Variants in NEDD9 observed in about 807,000 individuals in gnomAD.
NEDD9 encodes enhancer of filamentation 1.
A neutral mutation model predicts 76.6 loss-of-function variants in NEDD9; 26 were observed. That is an observed-to-expected ratio of 0.34 (90% confidence interval 0.25 to 0.47). The LOEUF (loss-of-function observed/expected upper bound fraction) is 0.47. NEDD9 is among the 20% of genes least tolerant of loss of function. The pLI, the probability that NEDD9 is intolerant of heterozygous loss-of-function variation, is 1.00. For synonymous variants in NEDD9, 392 were observed against 414.2 expected (o/e 0.95, Z 0.65); for missense variants, 937 against 1,058.5 (o/e 0.89, Z 1.59).
At chr6:11,189,179 T>G (rs996844651) in intron 5 of NEDD9, among the ~76,000 whole-genome samples, 1 of 152,188 alleles carries the variant, frequency 6.6e-6, no homozygotes, top group Non-Finnish European at 1.5e-5. Flanking sequence ...ACTCCTGACC[T>G]TGTGATCCAC....
chr6:11,347,048 C>A (rs1252238977), intron 1 of NEDD9, among the ~76,000 whole-genome samples: 3 of 152,136 alleles, frequency 2.0e-5, no homozygotes, highest in African/African-American at 7.2e-5. Context: ...CTCCTCAGCC[C>A]TCTCCACCAT....
At chr6:11,194,891 G>C (rs1758252203) in intron 2 of NEDD9, among the ~76,000 whole-genome samples, 1 of 152,174 alleles carries the variant, frequency 6.6e-6, no homozygotes, top group Non-Finnish European at 1.5e-5. Context: ...TCGTCCAAGG[G>C]CTTCTAAATG....
chr6:11,314,713 A>G (rs1039717281), intron 2 of NEDD9, among the ~76,000 whole-genome samples: 7 of 152,118 alleles, frequency 4.6e-5, no homozygotes, highest in African/African-American at 9.7e-5. Context: ...CCATTCAACC[A>G]TGTGCAGCTG....
chr6:11,191,797 A>G (rs1329797197), intron 4 of NEDD9, among the ~76,000 whole-genome samples: 2 of 152,128 alleles, frequency 1.3e-5, no homozygotes, highest in Admixed American at 6.5e-5. Flanking sequence ...ATTTAAGCCC[A>G]TATGTTCAAA....
chr6:11,197,731 C>T (rs1358887246), intron 2 of NEDD9, among the ~76,000 whole-genome samples: 1 of 152,132 alleles, frequency 6.6e-6, no homozygotes, highest in Non-Finnish European at 1.5e-5. Context: ...AATTGCCCCA[C>T]CCCACACTTT....
At chr6:11,200,092 T>C in intron 2 of NEDD9, 1 of 215,080 alleles carries the variant, frequency 4.6e-6, no homozygotes, top group Non-Finnish European at 9.8e-6. Flanking sequence ...ATTTGCTATT[T>C]TTTGCTGATC....
At chr6:11,211,466 CT>C (rs1177856029) in intron 2 of NEDD9, among the ~76,000 whole-genome samples, 1 of 152,234 alleles carries the variant, frequency 6.6e-6, no homozygotes, top group Non-Finnish European at 1.5e-5. Context: ...CTGGCCTCCC[CT>C]TCTGCCTCAC....
At chr6:11,192,875 G>A (rs1215133575) in intron 3 of NEDD9, among the ~76,000 whole-genome samples, 1 of 134,476 alleles carries the variant, frequency 7.4e-6, no homozygotes, top group African/African-American at 2.8e-5. Context: ...AGAGGTTGCA[G>A]TGAGCTGAGA....
chr6:11,269,147 A>G (rs1760255506), intron 3 of NEDD9, among the ~76,000 whole-genome samples: 1 of 152,212 alleles, frequency 6.6e-6, no homozygotes, highest in East Asian at 1.9e-4. Context: ...AGTGCAAGGT[A>G]AACCTTCTAA....
intron 1 of NEDD9, among the ~76,000 whole-genome samples, chr6:11,362,386 T>G (rs573273644): frequency 6.6e-6 from 1 of 152,210 alleles, no homozygotes; most frequent in Non-Finnish European, 1.5e-5. Flanking sequence ...TTTTCATCCC[T>G]CTCTTTCTCT....
At chr6:11,354,426 C>T (rs1034819987) in intron 1 of NEDD9, among the ~76,000 whole-genome samples, 43 of 152,118 alleles carry the variant, frequency 2.8e-4, no homozygotes, top group African/African-American at 9.2e-4. Context: ...AAATGTGGTG[C>T]GTGTCTTCAA....
At chr6:11,320,909 G>A (rs1761781137) in intron 2 of NEDD9, among the ~76,000 whole-genome samples, 1 of 151,878 alleles carries the variant, frequency 6.6e-6, no homozygotes, top group Non-Finnish European at 1.5e-5. Flanking sequence ...TTACTTGTGT[G>A]TATGAATGTG....
chr6:11,189,521 T>C (rs77988769), intron 5 of NEDD9, among the ~76,000 whole-genome samples: 1 of 152,234 alleles, frequency 6.6e-6, no homozygotes, highest in Non-Finnish European at 1.5e-5. Flanking sequence ...CTATTCTTTT[T>C]CTTAATGACG....
chr6:11,295,706 G>A (rs1237026374), intron 3 of NEDD9, among the ~76,000 whole-genome samples: 1 of 152,100 alleles, frequency 6.6e-6, no homozygotes, highest in Non-Finnish European at 1.5e-5. Context: ...GACTTGCTGG[G>A]GTCTTTATCC....
At chr6:11,235,936 C>A (rs998076129), upstream of NEDD9, among the ~76,000 whole-genome samples, 5 of 152,130 alleles carry the variant, frequency 3.3e-5, no homozygotes, top group Non-Finnish European at 7.4e-5. This position sits in a 1 kb window ranked among gnomAD's most constrained non-coding sequence, Gnocchi z 4.1. Flanking sequence ...TAATCTGTTT[C>A]TCTCCGGTTT....
chr6:11,319,327 TCA>T (rs1489704681), intron 2 of NEDD9, among the ~76,000 whole-genome samples: 1 of 151,870 alleles, frequency 6.6e-6, no homozygotes, highest in African/African-American at 2.4e-5. Context: ...ACTCACACTC[TCA>T]CACACCCACA....
At chr6:11,250,326 T>C (rs538431622) in intron 3 of NEDD9, among the ~76,000 whole-genome samples, 103 of 152,294 alleles carry the variant, frequency 6.8e-4, no homozygotes, top group African/African-American at 2.4e-3. Flanking sequence ...TGACATACCA[T>C]GAAAATGAGG....
intron 2 of NEDD9, among the ~76,000 whole-genome samples, chr6:11,330,228 A>G (rs1422427502): frequency 1.3e-5 from 2 of 152,156 alleles, no homozygotes; most frequent in Non-Finnish European, 2.9e-5. Flanking sequence ...TGTCCTTTCC[A>G]CTGGTTTATG....
In NEDD9 at chr6:11,183,563, A is replaced by C. The variant is rs1348066592; in HGVS notation, c.*1599T>G. 6.6e-6 allele frequency: 1 copy of C among 152,182 alleles called. No homozygotes were observed. The highest frequency in any genetic ancestry group is 1.5e-5 in the Non-Finnish European group (1 of 68,020). The allele number at this position is 152,182 out of a possible 1,614,324, so 9.4% of individuals were successfully genotyped here. A position where few individuals can be genotyped will look rare whatever the true frequency, so the allele number is the denominator to read the frequency against. On this transcript the variant is annotated 3_prime_UTR_variant, in exon 7 of 7. Coordinates refer to ENST00000379446, the MANE Select transcript of NEDD9 (RefSeq NM_006403.4). Reference sequence around the variant, plus strand: ...CTTGTAATGTAATGTATGACTTTTAATCTTCTTTTGGCAGAGTAGGACTTT... The same window carrying C: ...CTTGTAATGTAATGTATGACTTTTACTCTTCTTTTGGCAGAGTAGGACTTT...
Sources: allele counts gnomAD v4.1 joint callset (sites outside exome capture counted in the v4.1 genomes callset), GRCh38; gene constraint gnomAD v4.1.1; non-coding constraint Gnocchi (gnomAD v3.1); transcripts MANE v1.5; gene names NCBI Gene and HGNC (gene_info 2026-07-23, HGNC 2026-07-21).